Variants in SLIT3 observed in about 807,000 individuals in gnomAD.
SLIT3 encodes the protein slit guidance ligand 3.
Under a neutral mutation model 184.0 loss-of-function variants are expected in SLIT3, and 68 were observed. The observed-to-expected ratio is 0.37, with a 90% CI of 0.30 to 0.45. SLIT3 has a LOEUF of 0.45. SLIT3 is among the 20% of genes least tolerant of loss of function. The probability of loss-of-function intolerance (pLI) is 1.00; values close to 1 mark genes in which losing one functional copy is unlikely to be tolerated. For synonymous variants in SLIT3, 831 were observed against 828.6 expected (o/e 1.00, Z -0.05); for missense variants, 1,707 against 2,026.0 (o/e 0.84, Z 3.02).
intron 10 of SLIT3, among the ~76,000 whole-genome samples, chr5:168,792,839 A>C (rs1162309520): frequency 2.0e-5 from 3 of 152,226 alleles, no homozygotes; most frequent in Non-Finnish European, 2.9e-5. Context: ...CCAAAATCTG[A>C]AACTTTCTGA....
chr5:169,191,727 T>G (rs1465791210), intron 4 of SLIT3, among the ~76,000 whole-genome samples: 1 of 151,940 alleles, frequency 6.6e-6, no homozygotes, highest in Admixed American at 6.6e-5. Context: ...TCCCAGAATC[T>G]CAGAGACCTG....
At chr5:168,769,219 G>A (rs138283081) in intron 14 of SLIT3, among the ~76,000 whole-genome samples, 13 of 152,278 alleles carry the variant, frequency 8.5e-5, no homozygotes, top group Admixed American at 5.9e-4. Context: ...CCAGGTGAGG[G>A]TACCCAGTTT....
At chr5:169,125,056 T>C (rs1472686863) in intron 4 of SLIT3, among the ~76,000 whole-genome samples, 1 of 152,166 alleles carries the variant, frequency 6.6e-6, no homozygotes, top group Non-Finnish European at 1.5e-5. Flanking sequence ...GTTTTTTGTT[T>C]TTTGTTTTTT....
chr5:169,149,364 G>A (rs1014227572), intron 4 of SLIT3, among the ~76,000 whole-genome samples: 1 of 142,388 alleles, frequency 7.0e-6, no homozygotes, highest in African/African-American at 2.6e-5. Context: ...TCAACTTGTG[G>A]TAATTCTCCT....
At chr5:169,182,719 G>A (rs1334056364) in intron 4 of SLIT3, among the ~76,000 whole-genome samples, 1 of 152,174 alleles carries the variant, frequency 6.6e-6, no homozygotes, top group African/African-American at 2.4e-5. Flanking sequence ...GTGTGTTTGG[G>A]TTCTGCTCAC....
At chr5:168,825,029 A>T (rs897815180) in intron 6 of SLIT3, among the ~76,000 whole-genome samples, 26 of 152,100 alleles carry the variant, frequency 1.7e-4, no homozygotes, top group African/African-American at 6.3e-4. Flanking sequence ...ACTACTTCCG[A>T]ATTGTGTGGC....
At chr5:168,760,420 T>C (rs1394484391) in intron 16 of SLIT3, among the ~76,000 whole-genome samples, 1 of 152,194 alleles carries the variant, frequency 6.6e-6, no homozygotes, top group Non-Finnish European at 1.5e-5. Context: ...GCATGTTCAT[T>C]CTGATGTGTA....
rs150821239 is a variant in SLIT3, at chr5:168,690,523, G to A, written c.3176+2084C>T. 1.6e-4 allele frequency among the ~76,000 whole-genome samples: 25 copies of A among 152,260 alleles called. No homozygotes were observed. In the East Asian group the frequency reaches 3.3e-3, roughly 20 times the overall value. On this transcript the variant is annotated intron_variant, in intron 29 of 35. Transcript: ENST00000519560. ...CTGGCCTGCTCTGCTTTGAGTTCAC[G>A]TTTGCATTTACATGTCTCTTCCCAC...
chr5:169,283,142 C>T (rs1175598921), intron 1 of SLIT3, among the ~76,000 whole-genome samples: 1 of 152,254 alleles, frequency 6.6e-6, no homozygotes, highest in Non-Finnish European at 1.5e-5. Flanking sequence ...GTCTGCCTTT[C>T]TCCAAAGGCC....
intron 4 of SLIT3, among the ~76,000 whole-genome samples, chr5:169,184,505 T>C (rs1220862331): frequency 6.6e-6 from 1 of 152,132 alleles, no homozygotes; most frequent in Non-Finnish European, 1.5e-5. Context: ...AGATGTTTGG[T>C]TCCTTCCTTC....
chr5:169,299,138 G>A (rs374039701), intron 1 of SLIT3, among the ~76,000 whole-genome samples: 3 of 152,134 alleles, frequency 2.0e-5, no homozygotes, highest in Admixed American at 1.3e-4. Context: ...CCTGGTTTTC[G>A]ACATGTGTTA....
At chr5:168,760,370 C>A (rs982778577) in intron 16 of SLIT3, among the ~76,000 whole-genome samples, 1 of 152,160 alleles carries the variant, frequency 6.6e-6, no homozygotes, top group South Asian at 2.1e-4. Flanking sequence ...ATGGTCAGAC[C>A]CACGGACTCC....
intron 4 of SLIT3, among the ~76,000 whole-genome samples, chr5:169,031,130 T>C (rs1403151091): frequency 6.6e-6 from 1 of 152,170 alleles, no homozygotes; most frequent in Non-Finnish European, 1.5e-5. Context: ...ATAATATCCT[T>C]GCAGATGGCC....
chr5:168,692,698 C>T lies in SLIT3; in HGVS notation c.3085G>A (p.Glu1029Lys), dbSNP rs1325627174. ...TGGTCAATCACCTCGTCGCATAGCT[C>T]ACCTGGCACAGATGGGGGAGATAGC... is the stretch of plus-strand genomic sequence containing the variant. Reference protein sequence around the residue: ...VCICPPNYTGELCDEVIDHCV... With the variant: ...VCICPPNYTGKLCDEVIDHCV... Residue 1029 changes from glutamate (E) to lysine (K), a missense_variant and splice_region_variant, in exon 29 of 36, where the codon GAG (glutamate) becomes AAG (lysine). Glu to Lys is a moderately conservative substitution (Grantham distance 56). Transcript: ENST00000519560. 2 of 1,613,214 alleles carry T rather than the reference C, an allele frequency of 1.2e-6. No homozygotes were observed. The highest frequency in any genetic ancestry group is 1.7e-6 in the Non-Finnish European group (2 of 1,179,308).
At chr5:169,220,425 A>T (rs760005256) in intron 3 of SLIT3, among the ~76,000 whole-genome samples, 4 of 151,948 alleles carry the variant, frequency 2.6e-5, no homozygotes, top group Non-Finnish European at 4.4e-5. Context: ...GGGGATGTGT[A>T]TTTTTTTGGC....
chr5:169,184,957 C>T (rs1343967712), intron 4 of SLIT3, among the ~76,000 whole-genome samples: 2 of 152,160 alleles, frequency 1.3e-5, no homozygotes, highest in Non-Finnish European at 2.9e-5. Flanking sequence ...ATCTACAAGG[C>T]AATTTAAATG....
intron 4 of SLIT3, among the ~76,000 whole-genome samples, chr5:168,959,647 T>A (rs1406019096): frequency 1.3e-5 from 2 of 152,028 alleles, no homozygotes; most frequent in Non-Finnish European, 2.9e-5. Flanking sequence ...CAGGAATCCA[T>A]CCTAAGTGAC....
intron 4 of SLIT3, among the ~76,000 whole-genome samples, chr5:168,989,901 T>A (rs1755262169): frequency 6.6e-6 from 1 of 152,210 alleles, no homozygotes; most frequent in Non-Finnish European, 1.5e-5. Context: ...GTCCCTTTTA[T>A]CTCTAACAGT....
intron 8 of SLIT3, among the ~76,000 whole-genome samples, chr5:168,815,033 G>A (rs1003564981): frequency 5.3e-5 from 8 of 152,170 alleles, no homozygotes; most frequent in African/African-American, 1.2e-4. Flanking sequence ...TACTACAGGC[G>A]AGAGGGTGGA....
Sources: gnomAD v4.1 joint callset for allele counts (sites outside exome capture counted in the v4.1 genomes callset) on GRCh38, gnomAD v4.1.1 for gene constraint, MANE v1.5 for transcripts, NCBI Gene and HGNC (gene_info 2026-07-23, HGNC 2026-07-21) for gene names.